Variants in F5 observed in about 807,000 individuals in gnomAD.
F5 encodes the protein coagulation factor V, also known as activated protein c cofactor.
F5 carries 138 observed loss-of-function variants against 216.4 expected under a neutral mutation model. That is an observed-to-expected ratio of 0.64 (90% CI 0.56 to 0.73). The LOEUF (loss-of-function observed/expected upper bound fraction) is 0.73, where lower values mean the gene tolerates loss of function less well. F5 is among the 30% of genes least tolerant of loss of function. The probability of loss-of-function intolerance (pLI) is 0.00; values close to 1 mark genes in which losing one functional copy is unlikely to be tolerated. For synonymous variants in F5, 916 were observed against 930.7 expected (o/e 0.98, Z 0.29); for missense variants, 2,403 against 2,674.0 (o/e 0.90, Z 2.24).
intron 3 of F5, among the ~76,000 whole-genome samples, chr1:169,567,104 G>A (rs1051740383): frequency 6.6e-6 from 1 of 151,648 alleles, no homozygotes; most frequent in Non-Finnish European, 1.5e-5. Flanking sequence ...TCTGGTGCAG[G>A]GTCTCTTCCA....
rs1010342203 is a variant in F5, at chr1:169,527,378, A to G, written c.5599+537T>C. ...ACTGTTTAAATCTACATTTATCTTTATTTTGCACATGAAAAGTTCTAAATA... is the reference window on the plus strand; with the variant it reads ...ACTGTTTAAATCTACATTTATCTTTGTTTTGCACATGAAAAGTTCTAAATA... On this transcript the variant is annotated intron_variant, in intron 17 of 24. Transcript: ENST00000367797. 2.6e-5 allele frequency among the ~76,000 whole-genome samples: 4 copies of G among 152,228 alleles called. No homozygotes were observed. In the East Asian group the frequency reaches 7.7e-4, roughly 29 times the overall value.
chr1:169,524,086 G>A (rs149988964), intron 19 of F5, among the ~76,000 whole-genome samples, 182 bp from the exon 20 acceptor site: 3 of 152,302 alleles, frequency 2.0e-5, no homozygotes, highest in Non-Finnish European at 4.4e-5. Context: ...TCAGGTCTGT[G>A]TTTGGTCAAC....
chr1:169,566,171 A>C (rs1478738794), intron 3 of F5, among the ~76,000 whole-genome samples: 4 of 152,114 alleles, frequency 2.6e-5, no homozygotes, highest in African/African-American at 9.7e-5. Flanking sequence ...CCTTGAATCA[A>C]GCATGACAGC....
chr1:169,559,918 T>A (rs561936901), intron 4 of F5, among the ~76,000 whole-genome samples: 18 of 152,200 alleles, frequency 1.2e-4, no homozygotes, highest in South Asian at 4.1e-4. Context: ...TATAGGCAGA[T>A]GGTGAGTCCA....
intron 12 of F5, among the ~76,000 whole-genome samples, chr1:169,543,883 C>G (rs1161421625): frequency 6.6e-6 from 1 of 152,168 alleles, no homozygotes; most frequent in Non-Finnish European, 1.5e-5. Flanking sequence ...GACTTGCATT[C>G]CAGTCTGACA....
rs373325652 is a variant in F5, at chr1:169,542,147, A to G, written c.2943T>C (p.Ala981=). The G allele has an allele frequency of 2.0e-5, 33 of 1,613,956 alleles. No homozygotes were observed. In the African/African-American group the frequency reaches 3.9e-4, roughly 19 times the overall value. The stretch of plus-strand genomic sequence containing the variant: ...TGGCAAGAGGGGTGCTTTCTCCCCA[A>G]GCACGTGAGGCATTCTGGGGGCTGA... The part of the protein sequence containing the change: ...WLISPQNASR[A]WGESTPLANK... The change falls in exon 13 of 25, where the codon GCT becomes GCC. Residue 981 remains alanine (A), a synonymous_variant. Transcript: ENST00000367797.
At chr1:169,516,957 AATGAAGT>A (rs890499089) in intron 23 of F5, among the ~76,000 whole-genome samples, 6 of 152,334 alleles carry the variant, frequency 3.9e-5, no homozygotes, top group Admixed American at 2.0e-4. Context: ...AAGATTGTAA[AATGAAGT>A]ATGGAGTGAC....
chr1:169,525,944 GT>G lies in F5; in HGVS notation c.5672del (p.Asn1891ThrfsTer23). On this transcript the variant is annotated frameshift_variant, in exon 18 of 25. Transcript: ENST00000367797. LOFTEE classifies it high-confidence loss of function. ...WWLLNTEVGE[N>X]QRAGMQTPFL... ...ATGGCGTTTGCATCCCTGCTCTCTGGTTTTCTCCAACCTCTGTGTTTAGGAG... is the reference window on the plus strand; with the variant it reads ...ATGGCGTTTGCATCCCTGCTCTCTGGTTTCTCCAACCTCTGTGTTTAGGAG... The G allele has an allele frequency of 6.2e-7, 1 of 1,613,192 alleles. No individual in the cohort carries two copies. The highest frequency in any genetic ancestry group is 8.5e-7 in the Non-Finnish European group (1 of 1,179,408).
intron 1 of F5, 88 bp downstream of exon 1, chr1:169,586,141 A>G (rs77511782): frequency 6.8e-7 from 1 of 1,474,422 alleles, no homozygotes; most frequent in South Asian, 1.2e-5. Context: ...AAAAAAAAAA[A>G]AGCCATGACA....
intron 6 of F5, among the ~76,000 whole-genome samples, chr1:169,556,425 T>TAA (rs61568675): frequency 0.033 from 1,925 of 58,924 alleles, 190 homozygotes; most frequent in Middle Eastern, 0.077. Context: ...TTTGCTTAAT[T>TAA]AAAAAAAAAA....
chr1:169,540,366 T>C lies in F5; in HGVS notation c.4724A>G (p.Asn1575Ser), dbSNP rs549128015. 2.5e-5 allele frequency: 41 copies of C among 1,614,016 alleles called. No homozygotes were observed. The highest frequency in any genetic ancestry group is 1.0e-4 in the Admixed American group (6 of 59,996). Residue 1575 changes from asparagine to serine, a missense_variant, in exon 13 of 25, where the codon AAC becomes AGC. Transcript: ENST00000367797. Reference sequence around the variant, plus strand: ...GTAATAATTTCTTCTGTTTCCATTGTTGCTGCGGAGGTACCATGCTGCAAT... The same window carrying C: ...GTAATAATTTCTTCTGTTTCCATTGCTGCTGCGGAGGTACCATGCTGCAAT... The part of the protein sequence containing the change: ...DNIAAWYLRS[N>S]NGNRRNYYIA...
intron 4 of F5, 65 bp downstream of exon 4, chr1:169,560,489 C>T: frequency 6.6e-7 from 1 of 1,517,658 alleles, no homozygotes; most frequent in Non-Finnish European, 9.1e-7. Flanking sequence ...AAGCTTTGTC[C>T]CATGACAGAA....
intron 2 of F5, among the ~76,000 whole-genome samples, chr1:169,573,210 A>G (rs1213048510): frequency 2.0e-5 from 3 of 152,126 alleles, no homozygotes; most frequent in African/African-American, 7.2e-5. Context: ...AGCCTCCCAA[A>G]GTGCTGGGAT....
At chr1:169,518,659 C>A (rs750675993) in intron 22 of F5, 96 bp from the exon 23 acceptor site, 65 of 1,327,484 alleles carry the variant, frequency 4.9e-5, no homozygotes, top group Non-Finnish European at 6.2e-5. Flanking sequence ...TTACTACCAA[C>A]AAATGACAAA....
At chr1:169,537,456 A>G (rs563133689) in intron 13 of F5, among the ~76,000 whole-genome samples, 92 of 152,320 alleles carry the variant, frequency 6.0e-4, no homozygotes, top group African/African-American at 1.8e-3. Flanking sequence ...TGACCTCGAA[A>G]GTACAGGCAA....
intron 12 of F5, 47 bp from the exon 13 acceptor site, chr1:169,543,161 A>G: frequency 6.4e-7 from 1 of 1,557,364 alleles, no homozygotes; most frequent in Non-Finnish European, 8.8e-7. Context: ...GTCTGGGAAA[A>G]GACATGAAAA....
chr1:169,559,849 T>C (rs1660423592), intron 4 of F5, among the ~76,000 whole-genome samples: 1 of 152,110 alleles, frequency 6.6e-6, no homozygotes, highest in Non-Finnish European at 1.5e-5. Context: ...GGAAAAAAAG[T>C]CTTTGTATAA....
At chr1:169,564,962 G>A (rs1557928274) in intron 3 of F5, among the ~76,000 whole-genome samples, 1 of 152,018 alleles carries the variant, frequency 6.6e-6, no homozygotes, top group Non-Finnish European at 1.5e-5. Context: ...ACAAGTCCAT[G>A]TATGATTTAC....
rs756550007 is a variant in F5 at position 169,540,275 on chromosome 1, A to C, written c.4796+19T>G. The C allele has an allele frequency of 4.3e-6, 7 of 1,613,158 alleles. No individual in the cohort carries two copies. Among genetic ancestry groups the C allele is most frequent in the Middle Eastern group, 1.7e-4 (1 of 6,052 alleles). On this transcript the variant is annotated intron_variant, in intron 13 of 24. Coordinates refer to ENST00000367797, the MANE Select transcript of F5 (RefSeq NM_000130.5). ...AGTAATGGAAAAATGAGAATAAAAAAGGAGAAAACTGGCCAAACCTTTGTA... is the reference window on the plus strand; with the variant it reads ...AGTAATGGAAAAATGAGAATAAAAACGGAGAAAACTGGCCAAACCTTTGTA...
Sources: gnomAD v4.1 joint callset for allele counts (sites outside exome capture counted in the v4.1 genomes callset) on GRCh38, gnomAD v4.1.1 for gene constraint, MANE v1.5 for transcripts, NCBI Gene and HGNC (gene_info 2026-07-23, HGNC 2026-07-21) for gene names.